Variants in LCA5 observed in about 807,000 individuals in gnomAD.
LCA5 encodes lebercilin.
A neutral mutation model predicts 53.0 loss-of-function variants in LCA5; 37 were observed. That is an observed-to-expected ratio of 0.70 (90% CI 0.54 to 0.92). The LOEUF is 0.92. Ranked by LOEUF, LCA5 falls within the 40% of genes least tolerant of loss-of-function variation. LCA5 has a pLI of 0.00. For missense variants in LCA5, 806 were observed against 790.5 expected (o/e 1.02, Z -0.23); for synonymous variants, 303 against 282.9 (o/e 1.07, Z -0.71).
At chr6:79,505,715 G>A (rs910626760) in intron 3 of LCA5, among the ~76,000 whole-genome samples, 8 of 152,108 alleles carry the variant, frequency 5.3e-5, no homozygotes, top group African/African-American at 1.9e-4. Context: ...GGTAGAAGAG[G>A]CAAAGGCAGG....
chr6:79,510,205 A>G (rs1770375461), intron 3 of LCA5, among the ~76,000 whole-genome samples: 1 of 152,206 alleles, frequency 6.6e-6, no homozygotes, highest in Non-Finnish European at 1.5e-5. Context: ...TAAACCCATA[A>G]AAATATGCCC....
rs1157840110 is a variant in LCA5 at position 79,507,288 on chromosome 6, A to C, written c.720+5924T>G. ...TTGGGAAATATAGATTTTTTGTTAAAAGATCTTATAACATATAATGAGCTG... is the reference window on the plus strand; with the variant it reads ...TTGGGAAATATAGATTTTTTGTTAACAGATCTTATAACATATAATGAGCTG... On this transcript the variant is annotated intron_variant, in intron 3 of 7. Coordinates refer to ENST00000369846, the MANE Select transcript of LCA5 (RefSeq NM_001122769.3). 4.6e-5 allele frequency among the ~76,000 whole-genome samples: 7 copies of C among 152,154 alleles called. No individual in the cohort carries two copies. The South Asian group carries it at 1.0e-3, about 23-fold the overall frequency.
intron 1 of LCA5, among the ~76,000 whole-genome samples, chr6:79,536,614 C>T (rs535776629): frequency 1.3e-5 from 2 of 152,172 alleles, no homozygotes; most frequent in Non-Finnish European, 2.9e-5. Context: ...CTCATCCCAT[C>T]CCTGAAGGAT....
At chr6:79,510,409 A>G (rs1210918984) in intron 3 of LCA5, among the ~76,000 whole-genome samples, 1 of 152,208 alleles carries the variant, frequency 6.6e-6, no homozygotes. Flanking sequence ...CATTTTATAA[A>G]ACACCAAGTG....
chr6:79,485,424 CAT>C lies in LCA5; in HGVS notation c.*1578_*1579del, dbSNP rs1327202033. 2.0e-5 allele frequency: 3 copies of C among 152,582 alleles called. No homozygotes were observed. Among genetic ancestry groups the C allele is most frequent in the East Asian group, 3.9e-4 (2 of 5,182 alleles). 9.5% of individuals were successfully genotyped at this position (152,582 alleles called of 1,614,324 possible). A position where few individuals can be genotyped will look rare whatever the true frequency, so the allele number is the denominator to read the frequency against. ...TTACATATATTAGAATGATTTGCAA[CAT>C]ATTATAGTAAATGGTTATACATATC... On this transcript the variant is annotated 3_prime_UTR_variant, in exon 8 of 8. Transcript: ENST00000369846.
chr6:79,525,354 C>T (rs1049011314), intron 1 of LCA5: 1 of 152,196 alleles, frequency 6.6e-6, no homozygotes, highest in Admixed American at 6.5e-5. Flanking sequence ...TGGACCAATT[C>T]CTAGGACCCA....
In LCA5 at chr6:79,487,599, T is replaced by C. The variant is rs1420452543; in HGVS notation, c.1499A>G (p.His500Arg). Reference sequence around the variant, plus strand: ...TGTTTTGGGGCTTCTCTCTGGGGAGTGTAGTTTTGATTCAAAATCAGGTAA... The same window carrying C: ...TGTTTTGGGGCTTCTCTCTGGGGAGCGTAGTTTTGATTCAAAATCAGGTAA... ...PLLPDFESKL[H>R]SPERSPKTYR... Residue 500 changes from histidine to arginine, a missense_variant, in exon 8 of 8, where the codon CAC becomes CGC. Physicochemically the swap from His to Arg is conservative, Grantham distance 29 (BLOSUM62 0). Coordinates refer to ENST00000369846, the MANE Select transcript of LCA5 (RefSeq NM_001122769.3). The C allele has an allele frequency of 6.2e-7, 1 of 1,613,904 alleles. No homozygotes were observed. The highest frequency in any genetic ancestry group is 1.1e-5 in the South Asian group (1 of 91,064).
intron 3 of LCA5, among the ~76,000 whole-genome samples, chr6:79,508,017 G>A (rs907217826): frequency 3.3e-5 from 5 of 152,074 alleles, no homozygotes; most frequent in Non-Finnish European, 5.9e-5. Flanking sequence ...ATTAAATTGA[G>A]GCTGATACAT....
At position 79,513,777 on chromosome 6, in the gene LCA5, T is replaced by C. The variant is rs983394405; in HGVS notation, c.191-36A>G. Reference sequence around the variant, plus strand: ...AACAGGAATAATGTAAAGTGAAAGCTGTACCAAACACAGTGTTATTTGTTC... The same window carrying C: ...AACAGGAATAATGTAAAGTGAAAGCCGTACCAAACACAGTGTTATTTGTTC... On this transcript the variant is annotated intron_variant, in intron 2 of 7. Coordinates refer to ENST00000369846, the MANE Select transcript of LCA5 (RefSeq NM_001122769.3). The C allele has an allele frequency of 2.6e-5, 41 of 1,594,100 alleles. No individual in the cohort carries two copies. The Admixed American group carries it at 4.5e-4, about 18-fold the overall frequency.
At chr6:79,525,094 A>C (rs1385253109) in intron 1 of LCA5, 1 of 152,044 alleles carries the variant, frequency 6.6e-6, no homozygotes, top group Admixed American at 6.5e-5. Flanking sequence ...TACTGAGGTA[A>C]TATATTTTTT....
At chr6:79,527,655 C>A (rs893510914) in intron 1 of LCA5, among the ~76,000 whole-genome samples, 3 of 152,144 alleles carry the variant, frequency 2.0e-5, no homozygotes, top group Admixed American at 2.0e-4. Flanking sequence ...GCTGGAGACC[C>A]TTAAAGAATA....
Position 79,487,251 on chromosome 6 carries a change from GTGC to G in LCA5, c.1844_1846del (p.Ser615del). 1 of 1,614,048 alleles carries G rather than the reference GTGC, an allele frequency of 6.2e-7. No individual in the cohort carries two copies. Among genetic ancestry groups the G allele is most frequent in the Non-Finnish European group, 8.5e-7 (1 of 1,179,958 alleles). On this transcript the variant is annotated inframe_deletion, in exon 8 of 8. Coordinates refer to ENST00000369846, the MANE Select transcript of LCA5 (RefSeq NM_001122769.3). ...TGGGTCACTGCTTTTGGAGGAAATGGTGCTGCTACCACTGGCACCAAATAACTG... is the reference window on the plus strand; with the variant it reads ...TGGGTCACTGCTTTTGGAGGAAATGGTGCTACCACTGGCACCAAATAACTG...
At chr6:79,494,177 A>G (rs1395171080) in intron 3 of LCA5, among the ~76,000 whole-genome samples, 1 of 151,984 alleles carries the variant, frequency 6.6e-6, no homozygotes, top group African/African-American at 2.4e-5. Context: ...AGATCACTAG[A>G]GCCTGGAAGT....
Position 79,485,577 on chromosome 6 carries a change from T to G in LCA5, c.*1427A>C, listed in dbSNP as rs893199073. ...GTGGTACATCTTTTAATTGGAGACC[T>G]AACCAGGTAAGTCTTGACAAATAGT... On this transcript the variant is annotated 3_prime_UTR_variant, in exon 8 of 8. Coordinates refer to ENST00000369846, the MANE Select transcript of LCA5 (RefSeq NM_001122769.3). The G allele has an allele frequency of 3.3e-5, 5 of 152,188 alleles. No homozygotes were observed. Among genetic ancestry groups the G allele is most frequent in the Admixed American group, 6.5e-5 (1 of 15,278 alleles). 9.4% of individuals were successfully genotyped at this position (152,188 alleles called of 1,614,324 possible). A position where few individuals can be genotyped will look rare whatever the true frequency, so the allele number is the denominator to read the frequency against.
intron 1 of LCA5, among the ~76,000 whole-genome samples, chr6:79,528,563 A>G: frequency 6.6e-6 from 1 of 152,210 alleles, no homozygotes; most frequent in Non-Finnish European, 1.5e-5. Flanking sequence ...GATGTAACAA[A>G]TTCTTTTAAT....
chr6:79,508,135 T>C (rs192706983), intron 3 of LCA5, among the ~76,000 whole-genome samples: 3 of 152,294 alleles, frequency 2.0e-5, no homozygotes, highest in Non-Finnish European at 2.9e-5. Flanking sequence ...CTGCCCTTTG[T>C]ACGGAGCTCA....
intron 3 of LCA5, among the ~76,000 whole-genome samples, chr6:79,505,601 G>A (rs182079497): frequency 1.1e-4 from 17 of 152,242 alleles, no homozygotes; most frequent in Admixed American, 1.1e-3. Flanking sequence ...CAACCTGGAG[G>A]TAAGGAGAAC....
chr6:79,504,782 A>C (rs540179876), intron 3 of LCA5, among the ~76,000 whole-genome samples: 3 of 152,320 alleles, frequency 2.0e-5, no homozygotes, highest in East Asian at 3.9e-4. Flanking sequence ...TTTAAAAAGC[A>C]TGAGACTGAT....
intron 6 of LCA5, 118 bp downstream of exon 6, chr6:79,491,470 C>A (rs1449411419): frequency 3.4e-5 from 36 of 1,066,678 alleles, no homozygotes; most frequent in Non-Finnish European, 5.1e-5. Flanking sequence ...AAAGGCTAGT[C>A]GCATATTCAT....
Sources: allele counts gnomAD v4.1 joint callset (sites outside exome capture counted in the v4.1 genomes callset), GRCh38; gene constraint gnomAD v4.1.1; transcripts MANE v1.5; gene names NCBI Gene and HGNC (gene_info 2026-07-23, HGNC 2026-07-21).